Variants in TSNARE1 observed in about 807,000 individuals in gnomAD.
The protein encoded by TSNARE1 is t-SNARE domain containing 1, also known as t-SNARE domain-containing protein 1.
In TSNARE1, 49 loss-of-function variants were observed where a neutral mutation model predicts 62.0. The ratio of observed to expected loss-of-function variants is 0.79; its 90% CI spans 0.63 to 1.00. The LOEUF is 1.00. TSNARE1 is among the 50% of genes least tolerant of loss of function. TSNARE1 has a pLI of 0.00. For missense variants in TSNARE1, 755 were observed against 700.1 expected (o/e 1.08, Z -0.88); for synonymous variants, 328 against 294.4 (o/e 1.11, Z -1.17).
intron 2 of TSNARE1, among the ~76,000 whole-genome samples, chr8:142,352,924 C>A (rs994321215): frequency 1.3e-5 from 2 of 152,202 alleles, no homozygotes; most frequent in Non-Finnish European, 2.9e-5. Flanking sequence ...TGCACATGCA[C>A]ACACACGTAC....
intron 2 of TSNARE1, among the ~76,000 whole-genome samples, chr8:142,348,115 A>C (rs981979042): frequency 6.6e-6 from 1 of 152,220 alleles, no homozygotes; most frequent in African/African-American, 2.4e-5. Flanking sequence ...GACAGTTATA[A>C]ATAAAAAAAT....
chr8:142,364,179 C>G (rs540663360), intron 1 of TSNARE1, among the ~76,000 whole-genome samples: 1 of 152,336 alleles, frequency 6.6e-6, no homozygotes, highest in South Asian at 2.1e-4. Flanking sequence ...TCTCCCTGCA[C>G]TGGCACTAAG....
At chr8:142,368,229 A>G (rs1209688374) in intron 1 of TSNARE1, among the ~76,000 whole-genome samples, 1 of 152,210 alleles carries the variant, frequency 6.6e-6, no homozygotes, top group Non-Finnish European at 1.5e-5. Flanking sequence ...TATCCTTAAC[A>G]TATAAAGAGC....
intron 6 of TSNARE1, among the ~76,000 whole-genome samples, chr8:142,329,533 C>T (rs1354061922): frequency 6.6e-6 from 1 of 152,196 alleles, no homozygotes; most frequent in Non-Finnish European, 1.5e-5. Context: ...AACCTGCCCA[C>T]CACACTGAAG....
At chr8:142,313,409 T>C (rs970791337) in intron 9 of TSNARE1, among the ~76,000 whole-genome samples, 1 of 140,614 alleles carries the variant, frequency 7.1e-6, no homozygotes, top group African/African-American at 2.8e-5. Flanking sequence ...TCTGTGTTTA[T>C]GTGTCTGTGT....
Position 142,374,416 on chromosome 8 carries a change from C to T in TSNARE1, c.-39-19653G>A, listed in dbSNP as rs548541003. 3.9e-5 allele frequency among the ~76,000 whole-genome samples: 6 copies of T among 151,980 alleles called. No homozygotes were observed. In the East Asian group the frequency reaches 9.7e-4, roughly 25 times the overall value. ...AAATGCGGCTGGGTGCGGTGGCTCA[C>T]GCCTGTAATCCCAGCACTTTGGGAG... On this transcript the variant is annotated intron_variant, in intron 1 of 13. Coordinates refer to ENST00000524325, the MANE Select transcript of TSNARE1 (RefSeq NM_145003.5).
intron 13 of TSNARE1, among the ~76,000 whole-genome samples, chr8:142,213,788 T>C (rs1815690664): frequency 6.6e-6 from 1 of 152,190 alleles, no homozygotes; most frequent in Non-Finnish European, 1.5e-5. Flanking sequence ...CTGAGCCAGG[T>C]GCCCAGCAGG....
intron 1 of TSNARE1, among the ~76,000 whole-genome samples, chr8:142,379,297 C>A (rs1342874099): frequency 6.6e-6 from 1 of 152,248 alleles, no homozygotes; most frequent in African/African-American, 2.4e-5. Flanking sequence ...GCTGCCTCTC[C>A]TCCTAACCCC....
At chr8:142,297,299 G>A (rs907582150) in intron 10 of TSNARE1, among the ~76,000 whole-genome samples, 1 of 152,236 alleles carries the variant, frequency 6.6e-6, no homozygotes, top group Non-Finnish European at 1.5e-5. Context: ...AGCAGCCACG[G>A]ACACTCGAGG....
chr8:142,280,714 A>G (rs1355914423), intron 11 of TSNARE1, among the ~76,000 whole-genome samples: 1 of 152,208 alleles, frequency 6.6e-6, no homozygotes, highest in Non-Finnish European at 1.5e-5. Flanking sequence ...AGCGCTCCAC[A>G]GACTCAGCAC....
At position 142,315,095 on chromosome 8, in the gene TSNARE1, G is replaced by A. The variant is rs368851854; in HGVS notation, c.985-3C>T. 2 of 1,614,070 alleles carry A rather than the reference G, an allele frequency of 1.2e-6. No homozygotes were observed. Among genetic ancestry groups the A allele is most frequent in the Non-Finnish European group, 1.7e-6 (2 of 1,180,004 alleles). On this transcript the variant is annotated splice_polypyrimidine_tract_variant and splice_region_variant and intron_variant, in intron 7 of 13. Coordinates refer to ENST00000524325, the MANE Select transcript of TSNARE1 (RefSeq NM_145003.5). ...CGCTCCTGCTGCAGACGCTCCTGCTGCAGAGAAGGTACAGCTGGCACGGCA... is the reference window on the plus strand; with the variant it reads ...CGCTCCTGCTGCAGACGCTCCTGCTACAGAGAAGGTACAGCTGGCACGGCA...
intron 4 of TSNARE1, among the ~76,000 whole-genome samples, chr8:142,340,338 G>T (rs1166208978): frequency 6.6e-6 from 1 of 152,298 alleles, no homozygotes; most frequent in African/African-American, 2.4e-5. Flanking sequence ...GGATCACAGA[G>T]CAGACAGAGG....
chr8:142,230,817 C>T (rs1817070327), intron 12 of TSNARE1, among the ~76,000 whole-genome samples: 1 of 151,868 alleles, frequency 6.6e-6, no homozygotes, highest in Admixed American at 6.6e-5. Flanking sequence ...CCCACTCATC[C>T]ATCCATCCAC....
chr8:142,299,651 G>A (rs1472359836), intron 10 of TSNARE1, among the ~76,000 whole-genome samples: 4 of 150,522 alleles, frequency 2.7e-5, no homozygotes, highest in Non-Finnish European at 5.9e-5. Context: ...ACGCACGCAC[G>A]CATACTTGCA....
chr8:142,283,127 G>A (rs1328414865), intron 11 of TSNARE1, among the ~76,000 whole-genome samples: 10 of 150,958 alleles, frequency 6.6e-5, no homozygotes, highest in Admixed American at 1.3e-4. Flanking sequence ...TCAATGAGCA[G>A]AGGCGGGGCC....
Position 142,391,229 on chromosome 8 carries a change from A to G in TSNARE1, c.-40+11875T>C, listed in dbSNP as rs112867976. 2.7e-3 allele frequency among the ~76,000 whole-genome samples: 269 copies of G among 99,694 alleles called. 2 individuals are homozygous for G. Among genetic ancestry groups the G allele is most frequent in the Middle Eastern group, 7.1e-3 (1 of 140 alleles). 65.4% of individuals were successfully genotyped at this position (99,694 alleles called of 152,430 possible). On this transcript the variant is annotated intron_variant, in intron 1 of 13. Transcript: ENST00000524325. ...GACGCTGTACACTGCAGGGGACTCT[A>G]TAGCAGACGCTGTACACTGCTGGGG...
rs964567591 is a variant in TSNARE1, at chr8:142,266,946, T to C, written c.1446+7835A>G. ...TATTACTAACTTCATCTATGTCCAGTATGTTGCTTAACCCATCCACAAAGT... is the reference window on the plus strand; with the variant it reads ...TATTACTAACTTCATCTATGTCCAGCATGTTGCTTAACCCATCCACAAAGT... On this transcript the variant is annotated intron_variant, in intron 12 of 13. Coordinates refer to ENST00000524325, the MANE Select transcript of TSNARE1 (RefSeq NM_145003.5). 7.9e-5 allele frequency among the ~76,000 whole-genome samples: 12 copies of C among 152,380 alleles called. No homozygotes were observed. In the East Asian group the frequency reaches 1.9e-3, roughly 24 times the overall value.
rs1554680918 is a variant in TSNARE1, at chr8:142,403,151, A to AGGCGGGCGGGGCGGGCAC, written c.-105_-88dup. ...CCGCTCCGGGCGCTCACGGCGGGCG[A>AGGCGGGCGGGGCGGGCAC]GGCGGGCGGGGCGGGCACCCAAACA... On this transcript the variant is annotated 5_prime_UTR_variant, in exon 1 of 14. Coordinates refer to ENST00000524325, the MANE Select transcript of TSNARE1 (RefSeq NM_145003.5). 6.8e-6 allele frequency: 1 copy of AGGCGGGCGGGGCGGGCAC among 148,066 alleles called. No individual in the cohort carries two copies. Among genetic ancestry groups the AGGCGGGCGGGGCGGGCAC allele is most frequent in the African/African-American group, 2.4e-5 (1 of 40,838 alleles). The allele number at this position is 148,066 out of a possible 1,614,324, so 9.2% of individuals were successfully genotyped here.
chr8:142,251,270 T>G (rs572256210), intron 12 of TSNARE1, among the ~76,000 whole-genome samples: 10 of 142,134 alleles, frequency 7.0e-5, no homozygotes, highest in African/African-American at 2.5e-4. Context: ...TGCCACACAC[T>G]GCTGGCTCAG....
Sources: allele counts gnomAD v4.1 joint callset (sites outside exome capture counted in the v4.1 genomes callset), GRCh38; gene constraint gnomAD v4.1.1; transcripts MANE v1.5; gene names NCBI Gene and HGNC (gene_info 2026-07-23, HGNC 2026-07-21).